Variants in CLASP1 observed in about 807,000 individuals in gnomAD.
The protein encoded by CLASP1 is cytoplasmic linker associated protein 1, also known as CLIP-associating protein 1.
In CLASP1, 38 loss-of-function variants were observed where a neutral mutation model predicts 192.3. That is an observed-to-expected ratio of 0.20 (90% CI 0.15 to 0.26). The LOEUF (loss-of-function observed/expected upper bound fraction) is 0.26. Among genes scored for constraint, CLASP1 ranks in the 10% least tolerant of loss-of-function variants. The pLI, the probability that CLASP1 is intolerant of heterozygous loss-of-function variation, is 1.00. For synonymous variants in CLASP1, 691 were observed against 712.8 expected, an observed-to-expected ratio of 0.97 and a Z score of 0.49; for missense variants, 1,433 against 1,932.5, an observed-to-expected ratio of 0.74 and a Z score of 4.85.
Position 121,461,010 on chromosome 2 carries a change from T to A in CLASP1, c.1032+91A>T, listed in dbSNP as rs1171824178. On this transcript the variant is annotated intron_variant, in intron 11 of 39. Coordinates refer to ENST00000263710, the Ensembl canonical transcript of CLASP1. ...AACTTAAAATATGTACTATTTAGAATTCATTAGAGCTGTCCCAATTTCACA... is the reference window on the plus strand; with the variant it reads ...AACTTAAAATATGTACTATTTAGAAATCATTAGAGCTGTCCCAATTTCACA... 12 of 759,424 alleles carry A rather than the reference T, an allele frequency of 1.6e-5. No homozygotes were observed. The East Asian group carries it at 3.1e-4, about 20-fold the overall frequency. The allele number at this position is 759,424 out of a possible 1,614,324, so 47.0% of individuals were successfully genotyped here.
intron 17 of CLASP1, among the ~76,000 whole-genome samples, 162 bp downstream of exon 17, chr2:121,448,790 AC>A (rs1477159618): frequency 6.6e-6 from 1 of 152,214 alleles, no homozygotes. Context: ...CCTATTTCTC[AC>A]CACTCCATGG....
chr2:121,403,333 C>A (rs2076411363), intron 26 of CLASP1: 2 of 449,908 alleles, frequency 4.4e-6, no homozygotes, highest in African/African-American at 2.0e-5. Flanking sequence ...TGCCCCAGAG[C>A]AGGTACTCAG....
intron 25 of CLASP1, among the ~76,000 whole-genome samples, chr2:121,406,193 G>A (rs980336395): frequency 6.6e-6 from 1 of 152,146 alleles, no homozygotes. Context: ...TGTCTATGGT[G>A]CCTTAGATTT....
chr2:121,530,807 G>A, intron 2 of CLASP1: 2 of 624,060 alleles, frequency 3.2e-6, no homozygotes, highest in Non-Finnish European at 2.9e-6. Flanking sequence ...CTAGGGCGAG[G>A]CTCACGAATT....
chr2:121,377,443 C>T lies in CLASP1; in HGVS notation c.3642+56G>A, dbSNP rs562390447. On this transcript the variant is annotated intron_variant, in intron 34 of 39. Coordinates refer to ENST00000263710, the Ensembl canonical transcript of CLASP1. ...ATCATGATGGTCAGTGTTCAGAAGT[C>T]TCATTATCTGTCATTTAACTCATAC... 1.2e-5 allele frequency: 15 copies of T among 1,272,102 alleles called. No homozygotes were observed. The South Asian group carries it at 1.8e-4, about 15-fold the overall frequency. 78.8% of individuals were successfully genotyped at this position (1,272,102 alleles called of 1,614,324 possible). A position where few individuals can be genotyped will look rare whatever the true frequency, so the allele number is the denominator to read the frequency against.
Position 121,445,451 on chromosome 2 carries a change from G to C in CLASP1, c.1912+1886C>G, listed in dbSNP as rs1334919419. The C allele has an allele frequency of 1.5e-5, 19 of 1,289,238 alleles. No individual in the cohort carries two copies. The East Asian group carries it at 8.9e-4, about 60-fold the overall frequency. The allele number at this position is 1,289,238 out of a possible 1,614,324, so 79.9% of individuals were successfully genotyped here. On this transcript the variant is annotated intron_variant, in intron 19 of 39. Transcript: ENST00000263710. ...GCAAAAGCTGTCGAGCATGGTACCT[G>C]AGTCCAGGCCTATGTACTCCATGTC...
chr2:121,488,855 T>C (rs1244609362), intron 8 of CLASP1, among the ~76,000 whole-genome samples: 1 of 152,114 alleles, frequency 6.6e-6, no homozygotes, highest in African/African-American at 2.4e-5. Context: ...TTACTGAGGG[T>C]AAAAGTTACC....
chr2:121,434,930 T>TC (rs1323049777), intron 19 of CLASP1, among the ~76,000 whole-genome samples: 2 of 152,166 alleles, frequency 1.3e-5, no homozygotes, highest in Non-Finnish European at 2.9e-5. Context: ...ATTACAAATT[T>TC]TTTTTTTGCC....
chr2:121,421,839 G>A (rs190388797), intron 22 of CLASP1, among the ~76,000 whole-genome samples: 19 of 152,206 alleles, frequency 1.2e-4, no homozygotes, highest in Non-Finnish European at 1.9e-4. Context: ...CACTGCACCC[G>A]GCCTAAAATA....
chr2:121,430,280 T>C (rs2081159950), intron 19 of CLASP1, 103 bp from the exon 20 acceptor site: 1 of 788,450 alleles, frequency 1.3e-6, no homozygotes, highest in East Asian at 2.7e-5. Context: ...ACCAGCCAAC[T>C]ACATGGGGAG....
chr2:121,579,412 C>T (rs1156241985), intron 2 of CLASP1, among the ~76,000 whole-genome samples: 6 of 152,170 alleles, frequency 3.9e-5, no homozygotes, highest in Non-Finnish European at 8.8e-5. Context: ...GGTTGTGCAG[C>T]CATCACCACT....
At chr2:121,445,825 T>G (rs1447790783) in intron 19 of CLASP1, among the ~76,000 whole-genome samples, 1 of 152,206 alleles carries the variant, frequency 6.6e-6, no homozygotes, top group East Asian at 1.9e-4. Context: ...CCAGCCATAT[T>G]CAAACACTCC....
chr2:121,578,853 A>G (rs868018126), intron 2 of CLASP1, among the ~76,000 whole-genome samples: 62 of 152,218 alleles, frequency 4.1e-4, no homozygotes, highest in African/African-American at 1.4e-3. Context: ...ACACACACAC[A>G]CAAAAAAAAA....
At chr2:121,530,705 GC>G in intron 2 of CLASP1, 1 of 511,216 alleles carries the variant, frequency 2.0e-6, no homozygotes, top group Non-Finnish European at 3.5e-6. Flanking sequence ...CCGAGCCGCC[GC>G]TTTTGCGACC....
In CLASP1 at chr2:121,522,517, A is replaced by G. The variant is rs150160935; in HGVS notation, c.546+3328T>C. ...ATGAAACATTTTAGACAAGTCTCAC[A>G]TTTTCTATCTTATTTTAAAAAACTA... On this transcript the variant is annotated intron_variant, in intron 6 of 39. Coordinates refer to ENST00000263710, the Ensembl canonical transcript of CLASP1. Among the ~76,000 whole-genome samples the G allele has an allele frequency of 7.3e-4, 111 of 152,262 alleles. 1 individual carries two copies. Among genetic ancestry groups the G allele is most frequent in the African/African-American group, 2.5e-3 (103 of 41,562 alleles).
In CLASP1 at chr2:121,517,754, G is replaced by C. The variant is rs578058649; in HGVS notation, c.547-1992C>G. Among the ~76,000 whole-genome samples, 4 of 151,762 alleles carry C rather than the reference G, an allele frequency of 2.6e-5. No individual in the cohort carries two copies. In the South Asian group the frequency reaches 8.4e-4, roughly 32 times the overall value. On this transcript the variant is annotated intron_variant, in intron 6 of 39. Transcript: ENST00000263710. Reference sequence around the variant, plus strand: ...CTCAGCTACAGTCCTACCTACTTGGGGGGGCCTGAGGTAAGAGGATTACTC... The same window carrying C: ...CTCAGCTACAGTCCTACCTACTTGGCGGGGCCTGAGGTAAGAGGATTACTC...
chr2:121,594,308 A>G (rs948919066), intron 2 of CLASP1, among the ~76,000 whole-genome samples: 5 of 151,834 alleles, frequency 3.3e-5, no homozygotes, highest in Non-Finnish European at 7.4e-5. Context: ...TCAAAAAAAA[A>G]AAAATTTTCT....
At chr2:121,617,327 G>A (rs372182020) in intron 1 of CLASP1, among the ~76,000 whole-genome samples, 13 of 152,074 alleles carry the variant, frequency 8.5e-5, no homozygotes, top group African/African-American at 1.9e-4. Flanking sequence ...TCTCTCCTCC[G>A]CTAGCTCATT....
intron 9 of CLASP1, among the ~76,000 whole-genome samples, chr2:121,468,939 T>A (rs1210685458): frequency 6.6e-6 from 1 of 152,174 alleles, no homozygotes; most frequent in Non-Finnish European, 1.5e-5. Flanking sequence ...CTCCGGCTTT[T>A]TGAGTTTTCA....
Sources: gnomAD v4.1 joint callset for allele counts (sites outside exome capture counted in the v4.1 genomes callset) on GRCh38, gnomAD v4.1.1 for gene constraint, MANE v1.5 for transcripts, NCBI Gene and HGNC (gene_info 2026-07-23, HGNC 2026-07-21) for gene names.